The following SMAP2 variants were observed in gnomAD, a reference collection of about 807,000 sequenced individuals.
SMAP2 encodes the protein small ArfGAP2, also known as stromal membrane-associated protein 2.
In SMAP2, 25 loss-of-function variants were observed where a neutral mutation model predicts 56.4. The observed-to-expected ratio is 0.44, with a 90% confidence interval of 0.32 to 0.62. SMAP2 has a LOEUF of 0.62. SMAP2 is among the 20% of genes least tolerant of loss of function. SMAP2 has a pLI of 0.04. For synonymous variants in SMAP2, 157 were observed against 181.7 expected, an observed-to-expected ratio of 0.86 and a Z score of 1.09; for missense variants, 388 against 545.6, an observed-to-expected ratio of 0.71 and a Z score of 2.88.
intron 1 of SMAP2, among the ~76,000 whole-genome samples, chr1:40,354,104 A>AC (rs1358135348): frequency 2.6e-5 from 4 of 152,018 alleles, no homozygotes; most frequent in African/African-American, 9.7e-5. Flanking sequence ...GATAAAATAA[A>AC]CCACTCTTTA....
At chr1:40,393,325 A>T in intron 1 of SMAP2, 1 of 1,523,516 alleles carries the variant, frequency 6.6e-7, no homozygotes, top group Non-Finnish European at 8.8e-7. Flanking sequence ...ACAAACAAAA[A>T]ACCCAACAAC....
At chr1:40,353,791 A>G (rs1644420532) in intron 1 of SMAP2, among the ~76,000 whole-genome samples, 1 of 151,192 alleles carries the variant, frequency 6.6e-6, no homozygotes, top group South Asian at 2.1e-4. Flanking sequence ...GTATCTTGCT[A>G]TGTTGGCCAG....
At position 40,417,055 on chromosome 1, in the gene SMAP2, G is replaced by A. The variant is rs142006635; in HGVS notation, c.1123G>A (p.Gly375Arg). 777 of 1,611,914 alleles carry A rather than the reference G, an allele frequency of 4.8e-4. 1 individual carries two copies. Among genetic ancestry groups the A allele is most frequent in the Non-Finnish European group, 6.4e-4 (753 of 1,178,322 alleles). ...GGCAGCTATGCCCCAGACTGTGTAT[G>A]GGGTCCAGCCAGCTCAGCAGCTGCA... ...GMAAMPQTVY[G>R]VQPAQQLQWN... Residue 375 changes from glycine (G) to arginine (R), a missense_variant, in exon 9 of 10, where the codon GGG (glycine) becomes AGG (arginine). Physicochemically the swap from Gly to Arg is moderately radical, Grantham distance 125. Coordinates refer to ENST00000372718, the MANE Select transcript of SMAP2 (RefSeq NM_022733.3).
At chr1:40,397,299 T>C (rs965511496) in intron 1 of SMAP2, among the ~76,000 whole-genome samples, 1 of 152,186 alleles carries the variant, frequency 6.6e-6, no homozygotes, top group African/African-American at 2.4e-5. Flanking sequence ...ATCATTTCTC[T>C]ACCATCCCTG....
intron 1 of SMAP2, among the ~76,000 whole-genome samples, chr1:40,387,139 C>G (rs1030555487): frequency 3.3e-5 from 5 of 152,208 alleles, no homozygotes; most frequent in African/African-American, 1.2e-4. Flanking sequence ...AGGCATCAAC[C>G]ACCATGCCCG....
chr1:40,395,961 C>T (rs144643927), intron 1 of SMAP2, among the ~76,000 whole-genome samples: 74 of 152,200 alleles, frequency 4.9e-4, no homozygotes, highest in African/African-American at 1.7e-3. Flanking sequence ...CTCCTTTTTC[C>T]GGTTACCTGG....
chr1:40,417,154 G>A (rs1465073083), intron 9 of SMAP2, 58 bp downstream of exon 9: 12 of 1,269,688 alleles, frequency 9.5e-6, no homozygotes, highest in Admixed American at 4.1e-5. Context: ...AGTTTTTCTC[G>A]GTTTGTACCT....
chr1:40,396,776 G>A (rs1041298207), intron 1 of SMAP2: 2 of 912,912 alleles, frequency 2.2e-6, no homozygotes, highest in South Asian at 5.1e-5. Context: ...AAACATAGAG[G>A]TAAACATACC....
intron 6 of SMAP2, 63 bp from the exon 7 acceptor site, chr1:40,415,209 A>G: frequency 5.4e-6 from 7 of 1,289,052 alleles, no homozygotes; most frequent in Non-Finnish European, 7.9e-6. Context: ...TTTTGTCTAG[A>G]ATAGAAGGAA....
At chr1:40,378,854 T>C (rs1644566739) in intron 1 of SMAP2, among the ~76,000 whole-genome samples, 1 of 152,184 alleles carries the variant, frequency 6.6e-6, no homozygotes, top group Non-Finnish European at 1.5e-5. Flanking sequence ...TTTCATGTAG[T>C]TCAAAATCCA....
chr1:40,376,743 G>T (rs550480129), intron 1 of SMAP2, among the ~76,000 whole-genome samples: 252 of 152,220 alleles, frequency 1.7e-3, no homozygotes, highest in Admixed American at 4.8e-3. Context: ...AATGAGAATT[G>T]GGTTTCAGTT....
chr1:40,383,787 C>A (rs1644625558), intron 1 of SMAP2, among the ~76,000 whole-genome samples: 1 of 152,190 alleles, frequency 6.6e-6, no homozygotes, highest in African/African-American at 2.4e-5. Flanking sequence ...TATGGTGTAT[C>A]CACATTGAGT....
chr1:40,407,208 G>A (rs1055484625), intron 2 of SMAP2, among the ~76,000 whole-genome samples: 1 of 152,164 alleles, frequency 6.6e-6, no homozygotes, highest in Non-Finnish European at 1.5e-5. Context: ...CTTTTGGTCG[G>A]GCACGGTGGC....
At chr1:40,354,978 T>A (rs1257720500) in intron 1 of SMAP2, among the ~76,000 whole-genome samples, 3 of 151,484 alleles carry the variant, frequency 2.0e-5, no homozygotes, top group Non-Finnish European at 2.9e-5. Flanking sequence ...GAGAGGGGGT[T>A]TCACCATGTT....
At chr1:40,412,255 AG>A (rs1386406819) in intron 4 of SMAP2, among the ~76,000 whole-genome samples, 1 of 152,156 alleles carries the variant, frequency 6.6e-6, no homozygotes, top group Non-Finnish European at 1.5e-5. Flanking sequence ...GTCTCTTCCT[AG>A]TTTTGCCAAT....
intron 1 of SMAP2, among the ~76,000 whole-genome samples, chr1:40,375,978 T>C (rs1234159118): frequency 6.6e-6 from 1 of 152,174 alleles, no homozygotes; most frequent in African/African-American, 2.4e-5. Context: ...TTTGAGACAG[T>C]TTCGCTTTGT....
rs775408458 is a variant in SMAP2, at chr1:40,360,004, C to CTTT, written c.-82-2278_-82-2276dup. The stretch of plus-strand genomic sequence containing the variant: ...ACAGACTTTTTTCTTCTTCTTCTTT[C>CTTT]TTTTTTTTTTTTTTTTTTTTGAGAT... On this transcript the variant is annotated intron_variant, in intron 1 of 6. Coordinates refer to the SMAP2 transcript ENST00000435168. 5.4e-3 allele frequency among the ~76,000 whole-genome samples: 551 copies of CTTT among 102,450 alleles called. 22 individuals are homozygous for CTTT. Among genetic ancestry groups the CTTT allele is most frequent in the Admixed American group, 0.014 (109 of 7,596 alleles). 67.2% of individuals were successfully genotyped at this position (102,450 alleles called of 152,430 possible).
intron 4 of SMAP2, among the ~76,000 whole-genome samples, chr1:40,410,152 C>G (rs209601): frequency 0.91 from 138,513 of 152,096 alleles, 63,314 homozygotes; most frequent in African/African-American, 0.98. Context: ...AGGCTGAGGT[C>G]GGAGGATTAC....
chr1:40,387,611 A>AG (rs139205590), intron 1 of SMAP2, among the ~76,000 whole-genome samples: 33,709 of 152,106 alleles, frequency 0.22, 4,014 homozygotes, highest in Admixed American at 0.33. Context: ...AAGGAACATA[A>AG]GGGACATAAG....
Sources: gnomAD v4.1 joint callset for allele counts (sites outside exome capture counted in the v4.1 genomes callset) on GRCh38, gnomAD v4.1.1 for gene constraint, MANE v1.5 for transcripts, NCBI Gene and HGNC (gene_info 2026-07-23, HGNC 2026-07-21) for gene names.